IMMP2L: variants seen among roughly 807,000 people sequenced by gnomAD.
The protein encoded by IMMP2L is inner mitochondrial membrane peptidase subunit 2.
A neutral mutation model predicts 19.3 loss-of-function variants in IMMP2L; 18 were observed. That is an observed-to-expected ratio of 0.93 (90% confidence interval 0.64 to 1.38). IMMP2L has a LOEUF of 1.38. IMMP2L is among the 40% of genes most tolerant of loss of function. The pLI is 0.00. For missense variants in IMMP2L, 233 were observed against 218.2 expected (o/e 1.07, Z -0.43); for synonymous variants, 76 against 73.0 (o/e 1.04, Z -0.21).
chr7:111,087,456 G>GAAAAAAAAAA (rs76131476), intron 3 of IMMP2L, among the ~76,000 whole-genome samples: 2 of 77,912 alleles, frequency 2.6e-5, no homozygotes. Flanking sequence ...CTTAAAAAAA[G>GAAAAAAAAAA]AAAAAAAAAA....
Position 111,124,243 on chromosome 7 carries a change from G to A in IMMP2L, c.240-160678C>T, listed in dbSNP as rs1251972677. 1.9e-6 allele frequency: 3 copies of A among 1,613,882 alleles called. No individual in the cohort carries two copies. Among genetic ancestry groups the A allele is most frequent in the African/African-American group, 1.3e-5 (1 of 74,894 alleles). On this transcript the variant is annotated intron_variant, in intron 3 of 5. Coordinates refer to ENST00000405709, the MANE Select transcript of IMMP2L (RefSeq NM_032549.4). ...TATAAATGGCGTAACTCCCAAAGAA[G>A]GGGGTTTATATACTTGTATAGCAAC...
chr7:111,156,548 C>G (rs1471959649), intron 3 of IMMP2L, among the ~76,000 whole-genome samples: 2 of 152,036 alleles, frequency 1.3e-5, no homozygotes, highest in Non-Finnish European at 2.9e-5. Flanking sequence ...AATCTATACT[C>G]AGTTTGCTAA....
At chr7:111,444,529 T>C (rs1172995661) in intron 3 of IMMP2L, among the ~76,000 whole-genome samples, 1 of 152,214 alleles carries the variant, frequency 6.6e-6, no homozygotes, top group Non-Finnish European at 1.5e-5. Flanking sequence ...TAACAGCGTC[T>C]AGCATTGTTA....
chr7:110,817,987 T>G (rs1455064705), intron 5 of IMMP2L, among the ~76,000 whole-genome samples: 1 of 152,136 alleles, frequency 6.6e-6, no homozygotes, highest in Non-Finnish European at 1.5e-5. Flanking sequence ...GACTTACATG[T>G]TAGACCTAAA....
intron 5 of IMMP2L, among the ~76,000 whole-genome samples, chr7:110,838,667 A>G (rs945884630): frequency 1.3e-5 from 2 of 152,152 alleles, no homozygotes; most frequent in African/African-American, 2.4e-5. Context: ...TGACAACTCA[A>G]CCTTGGCCTT....
chr7:111,346,125 C>T (rs893856626), intron 3 of IMMP2L, among the ~76,000 whole-genome samples: 42 of 152,110 alleles, frequency 2.8e-4, no homozygotes, highest in Admixed American at 1.3e-3. Flanking sequence ...ACTAAGTCAA[C>T]GATAAGAACC....
At chr7:111,017,282 T>C (rs1471938911) in intron 3 of IMMP2L, among the ~76,000 whole-genome samples, 2 of 151,792 alleles carry the variant, frequency 1.3e-5, no homozygotes, top group African/African-American at 4.8e-5. Flanking sequence ...CAGGCTGTTC[T>C]CACACTCCTA....
chr7:110,883,702 T>A (rs960294923), intron 5 of IMMP2L, among the ~76,000 whole-genome samples: 4 of 152,154 alleles, frequency 2.6e-5, no homozygotes, highest in Non-Finnish European at 5.9e-5. Context: ...CTTCTTCTAA[T>A]GTCCTTTGGT....
chr7:111,301,943 A>AAAAC (rs1554437889), intron 3 of IMMP2L, among the ~76,000 whole-genome samples: 4 of 141,108 alleles, frequency 2.8e-5, no homozygotes, highest in African/African-American at 1.0e-4. Context: ...AAAAAAAAAA[A>AAAAC]AAAAAAAACC....
At chr7:111,057,102 G>C (rs868628241) in intron 3 of IMMP2L, among the ~76,000 whole-genome samples, 2 of 152,032 alleles carry the variant, frequency 1.3e-5, no homozygotes, top group South Asian at 4.2e-4. Flanking sequence ...AGTTCATAAA[G>C]GACACGACAC....
At chr7:110,883,414 C>G (rs1809893613) in intron 5 of IMMP2L, among the ~76,000 whole-genome samples, 1 of 152,090 alleles carries the variant, frequency 6.6e-6, no homozygotes, top group South Asian at 2.1e-4. Flanking sequence ...AATGTTTTAT[C>G]TAATAAGGTA....
At chr7:111,399,913 C>T (rs1010954936) in intron 3 of IMMP2L, among the ~76,000 whole-genome samples, 5 of 151,956 alleles carry the variant, frequency 3.3e-5, no homozygotes, top group Admixed American at 6.6e-5. Flanking sequence ...AGTAGTTTGA[C>T]GTTTTGGCTC....
chr7:111,519,735 T>A (rs1043733295), intron 2 of IMMP2L, among the ~76,000 whole-genome samples: 1 of 152,030 alleles, frequency 6.6e-6, no homozygotes, highest in African/African-American at 2.4e-5. Flanking sequence ...GCTAAAAATA[T>A]GAAGATTGGG....
intron 3 of IMMP2L, among the ~76,000 whole-genome samples, chr7:111,430,197 T>TA (rs1474688733): frequency 6.6e-6 from 1 of 151,794 alleles, no homozygotes; most frequent in Admixed American, 6.6e-5. Context: ...AGAGAATACA[T>TA]AAGGTAAGGA....
At chr7:110,722,233 TAAC>T (rs1795620134) in intron 5 of IMMP2L, among the ~76,000 whole-genome samples, 3 of 152,058 alleles carry the variant, frequency 2.0e-5, no homozygotes, top group Admixed American at 2.0e-4. Flanking sequence ...GATGTAATAA[TAAC>T]AATATTAATA....
At chr7:110,923,491 G>C (rs1160876849) in intron 4 of IMMP2L, among the ~76,000 whole-genome samples, 1 of 152,046 alleles carries the variant, frequency 6.6e-6, no homozygotes, top group Non-Finnish European at 1.5e-5. Context: ...AAGCATAAAA[G>C]GTGAACTCTT....
rs1171267845 is a variant in IMMP2L at position 111,304,626 on chromosome 7, ATATACATACATAATGTATGGGTGTT to A, written c.239+182587_239+182611del. On this transcript the variant is annotated intron_variant, in intron 3 of 5. Coordinates refer to ENST00000405709, the MANE Select transcript of IMMP2L (RefSeq NM_032549.4). Reference sequence around the variant, plus strand: ...ATATACATATATAATGTATGGGTGTATATACATACATAATGTATGGGTGTTTATACATACACATATATAATGTGTG... The same window carrying A: ...ATATACATATATAATGTATGGGTGTATATACATACACATATATAATGTGTG... Among the ~76,000 whole-genome samples the A allele has an allele frequency of 3.3e-5, 5 of 151,464 alleles. No individual in the cohort carries two copies. In the South Asian group the frequency reaches 1.0e-3, roughly 32 times the overall value.
chr7:110,842,438 G>C (rs1419542840), intron 5 of IMMP2L, among the ~76,000 whole-genome samples: 1 of 152,142 alleles, frequency 6.6e-6, no homozygotes, highest in Non-Finnish European at 1.5e-5. Flanking sequence ...ATTGCACCGT[G>C]GAAGTGATAT....
At chr7:111,007,603 C>T (rs1456412566) in intron 3 of IMMP2L, among the ~76,000 whole-genome samples, 1 of 152,060 alleles carries the variant, frequency 6.6e-6, no homozygotes, top group Non-Finnish European at 1.5e-5. Flanking sequence ...ACACTCACTC[C>T]CTAGTAAATC....
Sources: gnomAD v4.1 joint callset for allele counts (sites outside exome capture counted in the v4.1 genomes callset) on GRCh38, gnomAD v4.1.1 for gene constraint, MANE v1.5 for transcripts, NCBI Gene and HGNC (gene_info 2026-07-23, HGNC 2026-07-21) for gene names.